Variants in SMARCB1 observed in about 807,000 individuals in gnomAD.
SMARCB1 encodes SWI/SNF-related matrix-associated actin-dependent regulator of chromatin subfamily B member 1.
In SMARCB1, 5 loss-of-function variants were observed where a neutral mutation model predicts 49.0. The ratio of observed to expected loss-of-function variants is 0.10; its 90% CI spans 0.05 to 0.21. SMARCB1 has a LOEUF of 0.21. SMARCB1 is among the 10% of genes least tolerant of loss of function. The pLI is 1.00. For missense variants in SMARCB1, 226 were observed against 509.2 expected (o/e 0.44, Z 5.35); for synonymous variants, 201 against 200.1 (o/e 1.00, Z -0.04).
chr22:23,825,715 C>G lies in SMARCB1; in HGVS notation c.986+300C>G, dbSNP rs34297729. 22,508 of 465,856 alleles carry G rather than the reference C, an allele frequency of 0.048. 3,232 individuals are homozygous for G. The highest frequency in any genetic ancestry group is 0.35 in the African/African-American group (17,797 of 51,416). 28.9% of individuals were successfully genotyped at this position (465,856 alleles called of 1,614,324 possible). A position where few individuals can be genotyped will look rare whatever the true frequency, so the allele number is the denominator to read the frequency against. On this transcript the variant is annotated intron_variant, in intron 7 of 8. Coordinates refer to ENST00000644036, the MANE Select transcript of SMARCB1 (RefSeq NM_003073.5). ...TGGCCTGCCCCCACCATCCACCATT[C>G]AGTTGTCCTGCCCCACACCCTCTCT...
At chr22:23,787,377 G>GCT (rs886738726) in intron 1 of SMARCB1, 115 bp downstream of exon 1, 4 of 501,592 alleles carry the variant, frequency 8.0e-6, no homozygotes, top group Non-Finnish European at 1.3e-5. Flanking sequence ...GCGCGCGCGC[G>GCT]CGCGCTCGGG....
intron 6 of SMARCB1, chr22:23,824,516 C>T (rs557648019): frequency 2.0e-5 from 3 of 153,800 alleles, no homozygotes; most frequent in African/African-American, 7.2e-5. Context: ...TGGTGCCTCC[C>T]CAGGGGGGCA....
chr22:23,805,504 CG>C, intron 5 of SMARCB1, among the ~76,000 whole-genome samples: 1 of 152,164 alleles, frequency 6.6e-6, no homozygotes. Flanking sequence ...TTTTCATTGC[CG>C]TTTTTCTTCT....
chr22:23,787,040 C>G lies in SMARCB1; in HGVS notation c.-130C>G. 3.3e-6 allele frequency: 2 copies of G among 597,814 alleles called. No individual in the cohort carries two copies. The highest frequency in any genetic ancestry group is 5.9e-6 in the Non-Finnish European group (2 of 340,820). 37.0% of individuals were successfully genotyped at this position (597,814 alleles called of 1,614,324 possible). On this transcript the variant is annotated 5_prime_UTR_variant, in exon 1 of 9. Transcript: ENST00000644036. Reference sequence around the variant, plus strand: ...CGGCGGCTGAGGAGCCCGGCTGAGGCGCCAGTACCCGGCCCGGTCCGCATT... The same window carrying G: ...CGGCGGCTGAGGAGCCCGGCTGAGGGGCCAGTACCCGGCCCGGTCCGCATT...
intron 1 of SMARCB1, among the ~76,000 whole-genome samples, chr22:23,789,847 C>A (rs1018558981): frequency 2.0e-5 from 3 of 152,206 alleles, no homozygotes; most frequent in Admixed American, 2.0e-4. Context: ...CTGTGGAAAA[C>A]AGGCACTGTA....
rs141579402 is a variant in SMARCB1 at position 23,803,343 on chromosome 22, C to T, written c.549C>T (p.Pro183=). ...TGATCCATGAGAACGCATCTCAGCC[C>T]GAGGTGCTGGTCCCCATCCGGCTGG... ...PAVIHENASQ[P]EVLVPIRLDM... The change falls in exon 5 of 9, where the codon CCC becomes CCT. Residue 183 remains proline (P), a synonymous_variant. Transcript: ENST00000644036. 5.6e-6 allele frequency: 9 copies of T among 1,613,972 alleles called. No individual in the cohort carries two copies. Among genetic ancestry groups the T allele is most frequent in the East Asian group, 2.2e-5 (1 of 44,896 alleles).
intron 7 of SMARCB1, 199 bp downstream of exon 7, chr22:23,825,614 A>T: frequency 1.7e-6 from 1 of 596,230 alleles, no homozygotes; most frequent in Admixed American, 2.9e-5. Flanking sequence ...TAGGGTTAGA[A>T]GCACCTAACA....
intron 6 of SMARCB1, chr22:23,823,836 C>T (rs2146024379): frequency 1.3e-5 from 2 of 152,294 alleles, no homozygotes; most frequent in Admixed American, 1.3e-4. Flanking sequence ...TTGTAGAAAC[C>T]TTGTCTCTAC....
At chr22:23,814,672 GCAA>G (rs1930077573) in intron 5 of SMARCB1, among the ~76,000 whole-genome samples, 1 of 146,288 alleles carries the variant, frequency 6.8e-6, no homozygotes, top group South Asian at 2.2e-4. Flanking sequence ...TCCCAAAAAA[GCAA>G]CAACAACAAA....
intron 5 of SMARCB1, chr22:23,815,940 G>A (rs1229530074): frequency 6.6e-6 from 1 of 152,590 alleles, no homozygotes; most frequent in Admixed American, 6.5e-5. Flanking sequence ...TGCACCTGAG[G>A]TTCCTGCTGT....
chr22:23,792,132 C>G (rs987972608), intron 2 of SMARCB1: 10 of 536,630 alleles, frequency 1.9e-5, no homozygotes, highest in African/African-American at 1.7e-4. Flanking sequence ...GGGCCGGGGC[C>G]AGGACACTAG....
chr22:23,823,864 T>C (rs1351153179), intron 6 of SMARCB1: 2 of 152,190 alleles, frequency 1.3e-5, no homozygotes, highest in African/African-American at 2.4e-5. Context: ...TAGCCAGACA[T>C]GGTAGTGCAT....
Position 23,835,671 on chromosome 22 carries a change from C to T in SMARCB1, c.*1491C>T. ...CTTGAACAAAGGGGAAGATTCCCAG[C>T]CCAGCTGCTCTTAGACATGAACAGG... On this transcript the variant is annotated 3_prime_UTR_variant, in exon 9 of 9. Transcript: ENST00000644036. The T allele has an allele frequency of 1.0e-6, 1 of 985,550 alleles. No homozygotes were observed. The highest frequency in any genetic ancestry group is 1.2e-6 in the Non-Finnish European group (1 of 829,980). 61.1% of individuals were successfully genotyped at this position (985,550 alleles called of 1,614,324 possible).
chr22:23,815,328 A>C (rs1930122045), intron 5 of SMARCB1: 1 of 152,172 alleles, frequency 6.6e-6, no homozygotes, highest in Non-Finnish European at 1.5e-5. Context: ...AGGTCAGGAG[A>C]TCGAGACCAT....
At chr22:23,804,766 A>G (rs1929388825) in intron 5 of SMARCB1, among the ~76,000 whole-genome samples, 1 of 152,124 alleles carries the variant, frequency 6.6e-6, no homozygotes, top group South Asian at 2.1e-4. Flanking sequence ...CTGGTCTTGA[A>G]CTGACCTCAG....
chr22:23,829,727 A>C (rs2030560793), intron 7 of SMARCB1, among the ~76,000 whole-genome samples: 1 of 152,208 alleles, frequency 6.6e-6, no homozygotes, highest in East Asian at 1.9e-4. Context: ...TATATAGTGC[A>C]GCGGTTTTTG....
At position 23,808,698 on chromosome 22, in the gene SMARCB1, C is replaced by CTT. The variant is rs533109746; in HGVS notation, c.628+5291_628+5292dup. On this transcript the variant is annotated intron_variant, in intron 5 of 8. Transcript: ENST00000644036. ...TCAGGAATGAACGATATTGGACATTCTTTTTTTTTTTTTTTTGAGACGGAG... is the reference window on the plus strand; with the variant it reads ...TCAGGAATGAACGATATTGGACATTCTTTTTTTTTTTTTTTTTTGAGACGGAG... Among the ~76,000 whole-genome samples the CTT allele has an allele frequency of 9.7e-3, 1,358 of 140,660 alleles. 14 individuals carry two copies. The highest frequency in any genetic ancestry group is 0.045 in the Middle Eastern group (12 of 268). The allele number at this position is 140,660 out of a possible 152,430, so 92.3% of individuals were successfully genotyped here. A position where few individuals can be genotyped will look rare whatever the true frequency, so the allele number is the denominator to read the frequency against.
chr22:23,824,317 C>T (rs2030257882), intron 6 of SMARCB1: 1 of 152,306 alleles, frequency 6.6e-6, no homozygotes, highest in Non-Finnish European at 1.5e-5. Flanking sequence ...TAAGGGCCAA[C>T]AATGAATGGG....
chr22:23,829,447 A>AC (rs2030546319), intron 7 of SMARCB1, among the ~76,000 whole-genome samples: 1 of 152,192 alleles, frequency 6.6e-6, no homozygotes, highest in Admixed American at 6.5e-5. Flanking sequence ...GCAGTCCTAC[A>AC]CGTACAGGGT....
Sources: allele counts gnomAD v4.1 joint callset (sites outside exome capture counted in the v4.1 genomes callset), GRCh38; gene constraint gnomAD v4.1.1; transcripts MANE v1.5; gene names NCBI Gene and HGNC (gene_info 2026-07-23, HGNC 2026-07-21).